DMC1: variants seen among roughly 807,000 people sequenced by gnomAD.
DMC1 encodes the protein meiotic recombination protein DMC1 homolog.
DMC1 carries 27 observed loss-of-function variants against 50.1 expected under a neutral mutation model. The observed-to-expected ratio is 0.54, with a 90% CI of 0.40 to 0.74. The LOEUF is 0.74. DMC1 is among the 30% of genes least tolerant of loss of function. The pLI is 0.00. For missense variants in DMC1, 295 were observed against 420.2 expected (o/e 0.70, Z 2.60); for synonymous variants, 148 against 136.1 (o/e 1.09, Z -0.61).
At chr22:38,549,495 A>T in intron 8 of DMC1, 1 of 165,108 alleles carries the variant, frequency 6.1e-6, no homozygotes, top group Non-Finnish European at 1.3e-5. Flanking sequence ...GTGGTGGCAC[A>T]CACCTGTAAT....
At chr22:38,538,192 A>G in intron 11 of DMC1, 103 bp downstream of exon 11, 2 of 908,622 alleles carry the variant, frequency 2.2e-6, no homozygotes, top group South Asian at 3.0e-5. Context: ...AGGTAATTTT[A>G]TTTAAAAAAA....
intron 1 of DMC1, among the ~76,000 whole-genome samples, chr22:38,569,636 G>A (rs1352216013): frequency 1.3e-5 from 2 of 152,222 alleles, no homozygotes; most frequent in African/African-American, 4.8e-5. Flanking sequence ...CTCTCAAGGA[G>A]CCGTTGATAG....
At chr22:38,520,337 A>G (rs1379141897) in intron 13 of DMC1, among the ~76,000 whole-genome samples, 9 of 152,122 alleles carry the variant, frequency 5.9e-5, no homozygotes, top group African/African-American at 2.2e-4. Flanking sequence ...AACAGGTGAA[A>G]GGATAACTGG....
chr22:38,542,017 A>AT (rs1324828559), intron 8 of DMC1, among the ~76,000 whole-genome samples: 3 of 144,992 alleles, frequency 2.1e-5, no homozygotes. Flanking sequence ...TTCATTTATG[A>AT]TAAAAAAAAA....
At chr22:38,568,375 G>A in intron 1 of DMC1, 86 bp from the exon 2 acceptor site, 1 of 946,334 alleles carries the variant, frequency 1.1e-6, no homozygotes, top group Admixed American at 2.0e-5. Flanking sequence ...GGACTAGAAG[G>A]ACAGTAAGAG....
At chr22:38,533,090 A>C (rs1209164140) in intron 12 of DMC1, among the ~76,000 whole-genome samples, 1 of 152,002 alleles carries the variant, frequency 6.6e-6, no homozygotes, top group Non-Finnish European at 1.5e-5. Flanking sequence ...TAAGTAGAAA[A>C]TACTTATAAA....
At position 38,554,890 on chromosome 22, in the gene DMC1, T is replaced by C. The variant is rs11570405; in HGVS notation, c.379+467A>G. ...CGAGGTCAGGAGATCAAGACCATCC[T>C]GGCTAACATGGTGAAACCCCGTCTC... On this transcript the variant is annotated intron_variant, in intron 6 of 13. Coordinates refer to ENST00000216024, the MANE Select transcript of DMC1 (RefSeq NM_007068.4). Among the ~76,000 whole-genome samples, 863 of 151,108 alleles carry C rather than the reference T, an allele frequency of 5.7e-3. 9 individuals carry two copies. The highest frequency in any genetic ancestry group is 0.021 in the Admixed American group (310 of 15,106).
intron 7 of DMC1, among the ~76,000 whole-genome samples, chr22:38,551,017 C>T (rs1016495974): frequency 1.3e-5 from 2 of 149,644 alleles, no homozygotes; most frequent in Non-Finnish European, 3.0e-5. Context: ...GCCGAGTGGG[C>T]GGATCATGAG....
Position 38,562,381 on chromosome 22 carries a change from T to A in DMC1, c.244-12A>T, listed in dbSNP as rs771872083. The A allele has an allele frequency of 6.4e-6, 10 of 1,570,592 alleles. No homozygotes were observed. In the East Asian group the frequency reaches 9.0e-5, roughly 14 times the overall value. ...AAGAATCCTGGTTCCTACAGAAAGATAAAAGGAAATGTTCAAAAAGAGTTT... is the reference window on the plus strand; with the variant it reads ...AAGAATCCTGGTTCCTACAGAAAGAAAAAAGGAAATGTTCAAAAAGAGTTT... On this transcript the variant is annotated splice_polypyrimidine_tract_variant and intron_variant, in intron 4 of 13. Coordinates refer to ENST00000216024, the MANE Select transcript of DMC1 (RefSeq NM_007068.4).
At chr22:38,511,502 G>A in the DMC1 span, among the ~76,000 whole-genome samples, 19 of 151,824 alleles carry the variant, frequency 1.3e-4, no homozygotes, top group Non-Finnish European at 2.5e-4. Flanking sequence ...AGGTGGGAGC[G>A]TCACTTGAGC....
At chr22:38,518,741 A>G (rs1254991845), downstream of DMC1, among the ~76,000 whole-genome samples, 5 of 152,046 alleles carry the variant, frequency 3.3e-5, no homozygotes, top group African/African-American at 1.2e-4. Flanking sequence ...CATATTGCCC[A>G]GGCTGGTCTT....
chr22:38,552,832 T>C (rs986999708), intron 6 of DMC1, 125 bp from the exon 7 acceptor site: 7 of 703,712 alleles, frequency 9.9e-6, no homozygotes, highest in Non-Finnish European at 1.7e-5. Context: ...ATCTTACTTA[T>C]AAAGTATCTC....
intron 12 of DMC1, among the ~76,000 whole-genome samples, chr22:38,528,622 C>CA (rs1473133328): frequency 2.0e-5 from 3 of 151,714 alleles, no homozygotes; most frequent in Non-Finnish European, 2.9e-5. Context: ...CCTATCTGTA[C>CA]AAAAAATGCA....
intron 5 of DMC1, among the ~76,000 whole-genome samples, chr22:38,558,433 G>A (rs1008231719): frequency 6.6e-6 from 1 of 151,980 alleles, no homozygotes; most frequent in Non-Finnish European, 1.5e-5. Flanking sequence ...CCTAGCTCCT[G>A]GCTGGGCGCA....
chr22:38,548,740 G>C (rs1022004742), intron 8 of DMC1, among the ~76,000 whole-genome samples: 2 of 152,098 alleles, frequency 1.3e-5, no homozygotes, highest in African/African-American at 4.8e-5. Context: ...CAGGTGTGGT[G>C]GTGTACATTT....
At chr22:38,514,455 G>A (rs1309857582), downstream of DMC1, among the ~76,000 whole-genome samples, 1 of 151,776 alleles carries the variant, frequency 6.6e-6, no homozygotes, top group Non-Finnish European at 1.5e-5. Context: ...TGTTGGCCAG[G>A]ATCGTCTAGA....
chr22:38,520,106 G>T lies in DMC1; in HGVS notation c.954-17C>A. The T allele has an allele frequency of 6.2e-7, 1 of 1,603,598 alleles. No homozygotes were observed. The highest frequency in any genetic ancestry group is 1.1e-5 in the South Asian group (1 of 90,832). ...ATCTCAGGACTAACAGAATACAAGG[G>T]AACAGAAGTTTATAAAAAGCTCTAT... On this transcript the variant is annotated splice_polypyrimidine_tract_variant and intron_variant, in intron 13 of 13. Transcript: ENST00000216024.
At chr22:38,555,867 TGTC>T in intron 5 of DMC1, among the ~76,000 whole-genome samples, 1 of 152,058 alleles carries the variant, frequency 6.6e-6, no homozygotes, top group East Asian at 1.9e-4. Flanking sequence ...AGTCTTGCTC[TGTC>T]GCCCAGGCTG....
At position 38,520,103 on chromosome 22, in the gene DMC1, AG is replaced by A. The variant is rs2090007978; in HGVS notation, c.954-15del. On this transcript the variant is annotated splice_polypyrimidine_tract_variant and intron_variant, in intron 13 of 13. Transcript: ENST00000216024. The stretch of plus-strand genomic sequence containing the variant: ...GGCATCTCAGGACTAACAGAATACA[AG>A]GGAACAGAAGTTTATAAAAAGCTCT... 5.0e-6 allele frequency: 8 copies of A among 1,603,742 alleles called. No homozygotes were observed. Among genetic ancestry groups the A allele is most frequent in the Non-Finnish European group, 6.0e-6 (7 of 1,171,074 alleles).
Sources: allele counts gnomAD v4.1 joint callset (sites outside exome capture counted in the v4.1 genomes callset), GRCh38; gene constraint gnomAD v4.1.1; transcripts MANE v1.5; gene names NCBI Gene and HGNC (gene_info 2026-07-23, HGNC 2026-07-21).